The following PLEKHM3 variants were observed in gnomAD, a reference collection of about 807,000 sequenced individuals.
The protein encoded by PLEKHM3 is pleckstrin homology domain containing M3.
A neutral mutation model predicts 81.8 loss-of-function variants in PLEKHM3; 45 were observed. That is an observed-to-expected ratio of 0.55 (90% CI 0.43 to 0.71). The LOEUF is 0.71. Ranked by LOEUF, PLEKHM3 falls within the 30% of genes least tolerant of loss-of-function variation. The pLI is 0.00. For missense variants in PLEKHM3, 788 were observed against 924.3 expected, an observed-to-expected ratio of 0.85 and a Z score of 1.91; for synonymous variants, 352 against 356.4, an observed-to-expected ratio of 0.99 and a Z score of 0.14.
At chr2:207,990,146 C>A (rs1275984304) in intron 2 of PLEKHM3, among the ~76,000 whole-genome samples, 1 of 152,212 alleles carries the variant, frequency 6.6e-6, no homozygotes, top group Non-Finnish European at 1.5e-5. Flanking sequence ...TACCCTATCA[C>A]CACTTTCACC....
intron 7 of PLEKHM3, among the ~76,000 whole-genome samples, chr2:207,854,804 C>T (rs1336099339): frequency 6.6e-6 from 1 of 152,170 alleles, no homozygotes; most frequent in Non-Finnish European, 1.5e-5. Flanking sequence ...TGAGTAAAGA[C>T]CCCTATGAAC....
chr2:207,916,241 C>T (rs980572608), intron 5 of PLEKHM3, among the ~76,000 whole-genome samples: 2 of 151,906 alleles, frequency 1.3e-5, no homozygotes, highest in Admixed American at 1.3e-4. Context: ...AGAAATTGTA[C>T]TTAAGTTTCT....
chr2:207,898,729 ATAAAACATTT>A (rs1466397225), intron 6 of PLEKHM3, among the ~76,000 whole-genome samples: 1 of 151,966 alleles, frequency 6.6e-6, no homozygotes, highest in African/African-American at 2.4e-5. Context: ...TCCTACCTCT[ATAAAACATTT>A]TAAAAATCAG....
intron 6 of PLEKHM3, chr2:207,900,916 T>G (rs553275133): frequency 4.0e-6 from 1 of 247,432 alleles, no homozygotes; most frequent in East Asian, 8.5e-5. Flanking sequence ...GTCAGTATTA[T>G]GATTACTCTT....
intron 1 of PLEKHM3, among the ~76,000 whole-genome samples, chr2:208,010,961 C>T (rs971750261): frequency 6.6e-6 from 1 of 151,192 alleles, no homozygotes; most frequent in East Asian, 1.9e-4. Context: ...TAACAAATGG[C>T]CAATACATAT....
intron 6 of PLEKHM3, among the ~76,000 whole-genome samples, chr2:207,898,287 A>G (rs745402915): frequency 6.6e-6 from 1 of 152,064 alleles, no homozygotes; most frequent in Admixed American, 6.6e-5. Context: ...AGAGCAGACA[A>G]CTCTGGGGCT....
At chr2:207,948,503 G>A (rs911953157) in intron 3 of PLEKHM3, among the ~76,000 whole-genome samples, 21 of 148,610 alleles carry the variant, frequency 1.4e-4, no homozygotes, top group Admixed American at 7.3e-4. Flanking sequence ...CTACAGGCAC[G>A]TGCCACCATG....
At chr2:207,952,294 T>C (rs1690353806) in intron 3 of PLEKHM3, among the ~76,000 whole-genome samples, 2 of 152,232 alleles carry the variant, frequency 1.3e-5, no homozygotes, top group African/African-American at 4.8e-5. Flanking sequence ...GGGACTTCCC[T>C]GTCCCTCCTT....
chr2:207,954,062 C>T (rs1690425116), intron 3 of PLEKHM3, among the ~76,000 whole-genome samples: 1 of 152,134 alleles, frequency 6.6e-6, no homozygotes, highest in South Asian at 2.1e-4. Context: ...TGGCTCACAC[C>T]TGTAATCCCA....
intron 6 of PLEKHM3, among the ~76,000 whole-genome samples, chr2:207,899,851 A>G (rs1688359697): frequency 1.3e-5 from 2 of 152,182 alleles, no homozygotes; most frequent in Admixed American, 6.5e-5. Flanking sequence ...TAAGGTTACC[A>G]TGGCCTCAAA....
intron 7 of PLEKHM3, among the ~76,000 whole-genome samples, chr2:207,848,216 C>G (rs2092394943): frequency 1.3e-5 from 2 of 152,198 alleles, no homozygotes; most frequent in Non-Finnish European, 1.5e-5. Context: ...TTTTGTTCCA[C>G]CTGCCTCCAT....
At chr2:208,006,034 A>C (rs1692483652) in intron 1 of PLEKHM3, among the ~76,000 whole-genome samples, 1 of 152,182 alleles carries the variant, frequency 6.6e-6, no homozygotes, top group East Asian at 1.9e-4. Flanking sequence ...AATTGTACCA[A>C]AATGATCAGC....
intron 2 of PLEKHM3, among the ~76,000 whole-genome samples, chr2:207,989,612 G>T (rs1399543774): frequency 6.6e-6 from 1 of 152,086 alleles, no homozygotes; most frequent in Non-Finnish European, 1.5e-5. Flanking sequence ...CACACATCAT[G>T]ACGCCTGGCA....
chr2:207,984,110 G>T (rs1008757357), intron 2 of PLEKHM3, among the ~76,000 whole-genome samples: 1 of 152,146 alleles, frequency 6.6e-6, no homozygotes, highest in East Asian at 1.9e-4. Context: ...TGAATGCCAG[G>T]TACTCATTGT....
rs914795582 is a variant in PLEKHM3, at chr2:207,829,096, A to G, written c.2109-600T>C. Among the ~76,000 whole-genome samples the G allele has an allele frequency of 1.1e-4, 16 of 152,326 alleles. 1 individual carries two copies. The highest frequency in any genetic ancestry group is 3.8e-4 in the African/African-American group (16 of 41,586). ...CTCCTACCTTTGTAAGTCTACCTTT[A>G]TAACATGAGCGTGAACATTAAAGCA... is the stretch of plus-strand genomic sequence containing the variant. On this transcript the variant is annotated intron_variant, in intron 7 of 7. Coordinates refer to ENST00000427836, the MANE Select transcript of PLEKHM3 (RefSeq NM_001080475.3).
chr2:207,847,800 T>G (rs754666340), intron 7 of PLEKHM3, among the ~76,000 whole-genome samples: 25 of 152,132 alleles, frequency 1.6e-4, no homozygotes, highest in Admixed American at 1.2e-3. Context: ...ACTGCAATAC[T>G]CACTGAGTGG....
intron 1 of PLEKHM3, among the ~76,000 whole-genome samples, chr2:208,009,872 T>C (rs1447462927): frequency 6.6e-6 from 1 of 152,238 alleles, no homozygotes; most frequent in Non-Finnish European, 1.5e-5. Context: ...TCAGTAAAAT[T>C]TGACATACTT....
chr2:207,893,026 A>G (rs1053630472), intron 6 of PLEKHM3, among the ~76,000 whole-genome samples: 4 of 152,174 alleles, frequency 2.6e-5, no homozygotes, highest in African/African-American at 9.7e-5. Flanking sequence ...AGACCACTGC[A>G]TGTCTCACTT....
intron 2 of PLEKHM3, among the ~76,000 whole-genome samples, chr2:207,999,639 G>C (rs1027965966): frequency 6.6e-6 from 1 of 152,108 alleles, no homozygotes; most frequent in African/African-American, 2.4e-5. Flanking sequence ...AAAATACATG[G>C]AATGTCCTTT....
Sources: allele counts gnomAD v4.1 joint callset (sites outside exome capture counted in the v4.1 genomes callset), GRCh38; gene constraint gnomAD v4.1.1; transcripts MANE v1.5; gene names NCBI Gene and HGNC (gene_info 2026-07-23, HGNC 2026-07-21).